DAB1: variants seen among roughly 807,000 people sequenced by gnomAD.
DAB1 encodes disabled homolog 1.
Under a neutral mutation model 64.6 loss-of-function variants are expected in DAB1, and 15 were observed. The observed-to-expected ratio is 0.23, with a 90% CI of 0.16 to 0.36. The LOEUF is 0.36. Among genes scored for constraint, DAB1 ranks in the 10% least tolerant of loss-of-function variants. DAB1 has a pLI of 1.00. For synonymous variants in DAB1, 235 were observed against 251.9 expected (o/e 0.93, Z 0.64); for missense variants, 596 against 706.7 (o/e 0.84, Z 1.78).
chr1:58,527,774 AT>A (rs1398431534), intron 1 of DAB1, among the ~76,000 whole-genome samples: 2 of 152,212 alleles, frequency 1.3e-5, no homozygotes, highest in Non-Finnish European at 2.9e-5. Flanking sequence ...CAGTAAAAAA[AT>A]TAACCATATA....
intron 5 of DAB1, among the ~76,000 whole-genome samples, chr1:58,025,651 G>GTGTATATATATATATA (rs1264790564): frequency 1.6e-4 from 12 of 75,286 alleles, no homozygotes; most frequent in Non-Finnish European, 2.5e-4. Context: ...ATATATGTGT[G>GTGTATATATATATATA]TATATATATA....
chr1:57,501,205 C>T (rs1287342327), intron 7 of DAB1, among the ~76,000 whole-genome samples: 1 of 152,210 alleles, frequency 6.6e-6, no homozygotes, highest in Admixed American at 6.5e-5. Context: ...AGAGCTTTCT[C>T]ACCTTTCTTG....
intron 6 of DAB1, among the ~76,000 whole-genome samples, chr1:57,654,733 T>C (rs1286917828): frequency 6.6e-6 from 1 of 152,224 alleles, no homozygotes; most frequent in Non-Finnish European, 1.5e-5. Flanking sequence ...ATTTTCTCTG[T>C]TGCTTTTGCA....
chr1:57,291,481 A>G (rs1672770132), intron 1 of DAB1, among the ~76,000 whole-genome samples: 1 of 152,280 alleles, frequency 6.6e-6, no homozygotes, highest in Admixed American at 6.5e-5. Context: ...AATATATAGC[A>G]AAGGTATGTC....
At chr1:58,159,309 A>G (rs921535148) in intron 4 of DAB1, among the ~76,000 whole-genome samples, 4 of 152,226 alleles carry the variant, frequency 2.6e-5, no homozygotes, top group African/African-American at 7.2e-5. Flanking sequence ...ACTGCAATCC[A>G]GGTTCAACAT....
intron 5 of DAB1, among the ~76,000 whole-genome samples, chr1:58,149,289 G>A (rs1654788837): frequency 6.6e-6 from 1 of 152,090 alleles, no homozygotes; most frequent in African/African-American, 2.4e-5. Context: ...CCAAGAAGGA[G>A]GAAGAACATA....
At chr1:58,234,897 G>C (rs1458210844) in intron 4 of DAB1, among the ~76,000 whole-genome samples, 1 of 152,224 alleles carries the variant, frequency 6.6e-6, no homozygotes, top group East Asian at 1.9e-4. Flanking sequence ...AGGTCTGGAG[G>C]AACTGGATAA....
chr1:58,451,832 A>G (rs79576386), intron 3 of DAB1, among the ~76,000 whole-genome samples: 6,636 of 152,258 alleles, frequency 0.044, 211 homozygotes, highest in East Asian at 0.08. Flanking sequence ...TGCAGCTCAC[A>G]TACTCAGTGT....
intron 5 of DAB1, among the ~76,000 whole-genome samples, chr1:58,141,130 G>C (rs933177332): frequency 6.6e-6 from 1 of 152,174 alleles, no homozygotes; most frequent in Non-Finnish European, 1.5e-5. Context: ...AAGAGCGAGA[G>C]AGAGAGAGTT....
intron 2 of DAB1, among the ~76,000 whole-genome samples, chr1:57,217,374 C>T (rs1053463199): frequency 1.3e-5 from 2 of 152,096 alleles, no homozygotes; most frequent in African/African-American, 4.8e-5. Flanking sequence ...GGAAAGTCAG[C>T]TTGCTAGAAT....
At chr1:57,948,740 C>G (rs1301006369) in intron 5 of DAB1, among the ~76,000 whole-genome samples, 1 of 152,162 alleles carries the variant, frequency 6.6e-6, no homozygotes, top group Non-Finnish European at 1.5e-5. Flanking sequence ...TTGTACTTGA[C>G]TGGGTATTAG....
chr1:57,350,742 CA>C (rs139819618), intron 1 of DAB1, among the ~76,000 whole-genome samples: 17,644 of 148,688 alleles, frequency 0.12, 1,152 homozygotes, highest in Admixed American at 0.15. Context: ...CAAGTGTCTT[CA>C]AAAAAAAAAT....
chr1:57,755,117 C>A (rs72664631), intron 6 of DAB1, among the ~76,000 whole-genome samples: 6,714 of 152,190 alleles, frequency 0.044, 195 homozygotes, highest in Middle Eastern at 0.095. Context: ...TAGAGTCAGT[C>A]AGTTCTCTTT....
In DAB1 at chr1:57,174,559, T is replaced by C. The variant is rs1005532075; in HGVS notation, c.68-29130A>G. On this transcript the variant is annotated intron_variant, in intron 2 of 14. Coordinates refer to ENST00000371236, the MANE Select transcript of DAB1 (RefSeq NM_001365792.1). ...CAGATTAAGTTATAATTTTCTGAGATCCTGCTTTGTACTCATCACTTTTTA... is the reference window on the plus strand; with the variant it reads ...CAGATTAAGTTATAATTTTCTGAGACCCTGCTTTGTACTCATCACTTTTTA... Among the ~76,000 whole-genome samples the C allele has an allele frequency of 3.3e-5, 5 of 152,172 alleles. No individual in the cohort carries two copies. In the East Asian group the frequency reaches 9.6e-4, roughly 29 times the overall value.
chr1:57,354,125 C>T (rs1219150359), intron 1 of DAB1, among the ~76,000 whole-genome samples: 3 of 152,088 alleles, frequency 2.0e-5, no homozygotes, highest in African/African-American at 7.2e-5. Flanking sequence ...TTTGATTTCA[C>T]ATCTGAAAAT....
intron 1 of DAB1, among the ~76,000 whole-genome samples, chr1:57,352,694 T>A (rs146381562): frequency 2.8e-4 from 42 of 152,294 alleles, no homozygotes; most frequent in African/African-American, 9.9e-4. Context: ...TTGGAACATT[T>A]CCTGAAGAAT....
At chr1:57,619,190 G>A (rs1645826082) in intron 7 of DAB1, among the ~76,000 whole-genome samples, 1 of 152,138 alleles carries the variant, frequency 6.6e-6, no homozygotes, top group African/African-American at 2.4e-5. Context: ...GTAGCAGTTA[G>A]AGATCCTTTT....
At chr1:58,224,692 T>C (rs934759534) in intron 4 of DAB1, among the ~76,000 whole-genome samples, 2 of 152,126 alleles carry the variant, frequency 1.3e-5, no homozygotes, top group African/African-American at 4.8e-5. Flanking sequence ...AATCCCCATT[T>C]AGTAGATTTT....
rs559132959 is a variant in DAB1 at position 57,455,869 on chromosome 1, T to C, written n.626-164703A>G. 1.3e-4 allele frequency among the ~76,000 whole-genome samples: 20 copies of C among 152,316 alleles called. No homozygotes were observed. In the South Asian group the frequency reaches 4.1e-3, roughly 32 times the overall value. Reference sequence around the variant, plus strand: ...TTGGGACGATTTAATATATCTGTCATTTCTAGTCAGGGATTTCTTGCGGAA... The same window carrying C: ...TTGGGACGATTTAATATATCTGTCACTTCTAGTCAGGGATTTCTTGCGGAA... On this transcript the variant is annotated intron_variant and non_coding_transcript_variant, in intron 7 of 20. Transcript: ENST00000485760.
Sources: gnomAD v4.1 joint callset for allele counts (sites outside exome capture counted in the v4.1 genomes callset) on GRCh38, gnomAD v4.1.1 for gene constraint, MANE v1.5 for transcripts, NCBI Gene and HGNC (gene_info 2026-07-23, HGNC 2026-07-21) for gene names.